The following SPC25 variants were observed in gnomAD, a reference collection of about 807,000 sequenced individuals.
SPC25 encodes the protein kinetochore protein Spc25.
Under a neutral mutation model 29.6 loss-of-function variants are expected in SPC25, and 22 were observed. That is an observed-to-expected ratio of 0.74 (90% CI 0.53 to 1.06). The LOEUF is 1.06. Among genes scored for constraint, SPC25 ranks in the 50% least tolerant of loss-of-function variants. The probability of loss-of-function intolerance (pLI) is 0.00; values close to 1 mark genes in which losing one functional copy is unlikely to be tolerated. For missense variants in SPC25, 230 were observed against 255.8 expected, an observed-to-expected ratio of 0.90 and a Z score of 0.69; for synonymous variants, 91 against 90.4, an observed-to-expected ratio of 1.01 and a Z score of -0.04.
downstream of SPC25, among the ~76,000 whole-genome samples, chr2:168,866,535 C>T (rs112799161): frequency 2.9e-4 from 44 of 149,714 alleles, no homozygotes; most frequent in African/African-American, 7.0e-4. Context: ...TAGAAGAAAA[C>T]CTAGGCAATA....
At chr2:168,877,150 T>C (rs973773212) in intron 4 of SPC25, 88 bp downstream of exon 4, 22 of 1,429,004 alleles carry the variant, frequency 1.5e-5, no homozygotes, top group African/African-American at 2.9e-5. Context: ...TTTTTAGCAA[T>C]GAACTGGAAC....
chr2:168,861,882 T>C (rs1002754361), intron 4 of SPC25: 10 of 1,332,380 alleles, frequency 7.5e-6, no homozygotes, highest in Non-Finnish European at 9.6e-6. Flanking sequence ...CATCACACTG[T>C]TAAATAACCA....
In SPC25 at chr2:168,890,402, T is replaced by C. The variant is rs1690376505; in HGVS notation, c.-99A>G. On this transcript the variant is annotated 5_prime_UTR_variant, in exon 1 of 7. Coordinates refer to ENST00000282074, the MANE Select transcript of SPC25 (RefSeq NM_020675.4). ...CCAACAGCCGGACTCTAGGCTCAGCTCCCGCAGCCCCGCCAACTTTCCGAT... is the reference window on the plus strand; with the variant it reads ...CCAACAGCCGGACTCTAGGCTCAGCCCCCGCAGCCCCGCCAACTTTCCGAT... 5.1e-6 allele frequency: 5 copies of C among 985,254 alleles called. No individual in the cohort carries two copies. The African/African-American group carries it at 7.0e-5, about 14-fold the overall frequency. 61.0% of individuals were successfully genotyped at this position (985,254 alleles called of 1,614,324 possible). A position where few individuals can be genotyped will look rare whatever the true frequency, so the allele number is the denominator to read the frequency against.
chr2:168,880,575 G>C (rs1291107450), intron 3 of SPC25, among the ~76,000 whole-genome samples: 1 of 152,208 alleles, frequency 6.6e-6, no homozygotes, highest in Non-Finnish European at 1.5e-5. Flanking sequence ...TCATTCGTGT[G>C]TTCACTGAAT....
At chr2:168,865,088 C>A in intron 4 of SPC25, 1 of 1,077,740 alleles carries the variant, frequency 9.3e-7, no homozygotes, top group Non-Finnish European at 1.3e-6. Context: ...TGGAGTTCTA[C>A]CTGCATGTCA....
At chr2:168,865,809 A>C (rs1337508996) in intron 4 of SPC25, among the ~76,000 whole-genome samples, 2 of 152,052 alleles carry the variant, frequency 1.3e-5, no homozygotes, top group Non-Finnish European at 2.9e-5. Context: ...CATCACAAGC[A>C]TTCTTATATA....
chr2:168,889,132 G>A (rs1293458634), intron 3 of SPC25, 94 bp downstream of exon 3: 5 of 1,015,232 alleles, frequency 4.9e-6, no homozygotes, highest in Non-Finnish European at 7.2e-6. Context: ...ACACACTTGT[G>A]TACACAAAAT....
In SPC25 at chr2:168,889,527, G is replaced by T. The variant is rs1461777438; in HGVS notation, c.-8C>A. ...CAGTTCGTCCTCTACCATTATGTAG[G>T]ACAATGCTAAAAACAGAATACATAT... On this transcript the variant is annotated 5_prime_UTR_variant, in exon 2 of 7. Coordinates refer to ENST00000282074, the MANE Select transcript of SPC25 (RefSeq NM_020675.4). 3 of 1,611,218 alleles carry T rather than the reference G, an allele frequency of 1.9e-6. No homozygotes were observed. In the East Asian group the frequency reaches 6.7e-5, roughly 36 times the overall value.
chr2:168,871,584 A>G (rs774385498), intron 6 of SPC25, 29 bp from the exon 7 acceptor site: 2 of 1,542,148 alleles, frequency 1.3e-6, no homozygotes, highest in Non-Finnish European at 1.7e-6. Context: ...GAAATCAAAG[A>G]CAATTAGAAT....
chr2:168,880,165 A>G (rs1690153615), intron 3 of SPC25, among the ~76,000 whole-genome samples: 1 of 152,202 alleles, frequency 6.6e-6, no homozygotes, highest in Admixed American at 6.5e-5. Flanking sequence ...GCTTCAAAGC[A>G]GGCCTTGACT....
chr2:168,881,540 G>A (rs1690177963), intron 3 of SPC25, among the ~76,000 whole-genome samples: 1 of 152,196 alleles, frequency 6.6e-6, no homozygotes, highest in Non-Finnish European at 1.5e-5. Context: ...GAGCTCTAGG[G>A]CAGAGGCTAC....
At chr2:168,862,039 T>C in intron 4 of SPC25, 1 of 1,614,008 alleles carries the variant, frequency 6.2e-7, no homozygotes, top group African/African-American at 1.3e-5. Context: ...ATGAGTTGAA[T>C]TTGGAAAAGG....
intron 4 of SPC25, chr2:168,863,519 A>C (rs1334439824): frequency 1.0e-6 from 1 of 985,274 alleles, no homozygotes; most frequent in Non-Finnish European, 1.2e-6. Context: ...GACAAGAGCC[A>C]TGTTTCTTGT....
intron 3 of SPC25, among the ~76,000 whole-genome samples, chr2:168,885,743 T>C (rs1342131882): frequency 6.6e-6 from 1 of 152,242 alleles, no homozygotes; most frequent in African/African-American, 2.4e-5. Flanking sequence ...TTCTCCAAAG[T>C]AGTGTGGTAT....
chr2:168,864,641 CT>C lies in SPC25; in HGVS notation n.419+8943del, dbSNP rs1294945235. Among the ~76,000 whole-genome samples, 2 of 152,240 alleles carry C rather than the reference CT, an allele frequency of 1.3e-5. 1 individual carries two copies. Among genetic ancestry groups the C allele is most frequent in the East Asian group, 3.9e-4 (2 of 5,186 alleles). On this transcript the variant is annotated intron_variant and non_coding_transcript_variant, in intron 4 of 4. Coordinates refer to the SPC25 transcript ENST00000479309. ...TATCTCAGTTGTTCATTATCTTACT[CT>C]TTTTAGTATCCTCTGGATTATGCCT...
intron 3 of SPC25, among the ~76,000 whole-genome samples, chr2:168,882,553 G>A (rs919109695): frequency 6.6e-6 from 1 of 152,160 alleles, no homozygotes; most frequent in Non-Finnish European, 1.5e-5. Context: ...AGTGAGCTGC[G>A]ATCACGCCAC....
At chr2:168,863,607 T>C (rs1210685849) in intron 4 of SPC25, 2 of 985,124 alleles carry the variant, frequency 2.0e-6, no homozygotes, top group African/African-American at 3.5e-5. Flanking sequence ...TGTATTAAAG[T>C]TGTCTAAGTT....
At chr2:168,869,327 A>G (rs1689933780), downstream of SPC25, among the ~76,000 whole-genome samples, 1 of 152,224 alleles carries the variant, frequency 6.6e-6, no homozygotes, top group African/African-American at 2.4e-5. Flanking sequence ...TACCACTCCT[A>G]TTCAACATAG....
At chr2:168,863,756 T>C (rs1689645167) in intron 4 of SPC25, 1 of 659,890 alleles carries the variant, frequency 1.5e-6, no homozygotes, top group African/African-American at 2.0e-5. Context: ...TGGTGAGACA[T>C]ACTTATAGCA....
Sources: gnomAD v4.1 joint callset for allele counts (sites outside exome capture counted in the v4.1 genomes callset) on GRCh38, gnomAD v4.1.1 for gene constraint, MANE v1.5 for transcripts, NCBI Gene and HGNC (gene_info 2026-07-23, HGNC 2026-07-21) for gene names.